Variants in WDR70 observed in about 807,000 individuals in gnomAD.
WDR70 encodes WD repeat domain 70.
WDR70 carries 53 observed loss-of-function variants against 88.6 expected under a neutral mutation model. That is an observed-to-expected ratio of 0.60 (90% confidence interval 0.48 to 0.75). WDR70 has a LOEUF of 0.75. Among genes scored for constraint, WDR70 ranks in the 30% least tolerant of loss-of-function variants. The pLI is 0.00. For missense variants in WDR70, 610 were observed against 823.2 expected (o/e 0.74, Z 3.17); for synonymous variants, 280 against 270.0 (o/e 1.04, Z -0.36).
Position 37,443,307 on chromosome 5 carries a change from G to A in WDR70, c.621G>A (p.Lys207=). The change falls in exon 7 of 18, where the codon AAG becomes AAA. Residue 207 remains lysine, a synonymous_variant. Coordinates refer to ENST00000265107, the MANE Select transcript of WDR70 (RefSeq NM_018034.4). ...CAGGAGGATATGACTATGATGTTAA[G>A]TTTTGGGATTTTGCTGGAATGGATG... ...LVTGGYDYDV[K]FWDFAGMDAS... The A allele has an allele frequency of 1.2e-6, 2 of 1,613,930 alleles. No individual in the cohort carries two copies. The highest frequency in any genetic ancestry group is 2.2e-5 in the East Asian group (1 of 44,880).
intron 7 of WDR70, 91 bp downstream of exon 7, chr5:37,443,463 T>C: frequency 1.1e-5 from 15 of 1,424,328 alleles, no homozygotes; most frequent in Non-Finnish European, 1.5e-5. Flanking sequence ...CCATCTACAA[T>C]GATTTGTATC....
intron 17 of WDR70, among the ~76,000 whole-genome samples, chr5:37,732,516 C>G (rs1275993801): frequency 6.6e-6 from 1 of 152,038 alleles, no homozygotes; most frequent in South Asian, 2.1e-4. Flanking sequence ...TGCAAAACTT[C>G]AAGAAATTTT....
At chr5:37,562,985 G>C (rs1279675329) in intron 9 of WDR70, among the ~76,000 whole-genome samples, 1 of 144,846 alleles carries the variant, frequency 6.9e-6, no homozygotes, top group South Asian at 2.3e-4. Context: ...ACGGGGTGGT[G>C]GCCGGGCAGA....
At chr5:37,628,988 T>C (rs1403217869) in intron 10 of WDR70, among the ~76,000 whole-genome samples, 1 of 152,188 alleles carries the variant, frequency 6.6e-6, no homozygotes, top group East Asian at 1.9e-4. Flanking sequence ...AGTTTTTGCT[T>C]CTCTATTGGG....
Position 37,566,908 on chromosome 5 carries a change from A to G in WDR70, c.918-38156A>G, listed in dbSNP as rs559216801. Among the ~76,000 whole-genome samples the G allele has an allele frequency of 1.8e-4, 27 of 152,284 alleles. No individual in the cohort carries two copies. The South Asian group carries it at 5.6e-3, about 32-fold the overall frequency. On this transcript the variant is annotated intron_variant, in intron 9 of 17. Coordinates refer to ENST00000265107, the MANE Select transcript of WDR70 (RefSeq NM_018034.4). ...AGAGGAGAACTGTCAGAATCATCCT[A>G]AGAGTGTTATTAGATTTCTGGGAGA...
rs140037422 is a variant in WDR70 at position 37,526,738 on chromosome 5, C to T, written c.917+10148C>T. ...TGATTGTGTATTTAGAAAACCCCAT[C>T]GTCTCAGCCCCAAATCTCCTTAAGC... On this transcript the variant is annotated intron_variant, in intron 9 of 17. Transcript: ENST00000265107. 7.8e-3 allele frequency among the ~76,000 whole-genome samples: 1,188 copies of T among 152,240 alleles called. 8 individuals carry two copies. The highest frequency in any genetic ancestry group is 0.017 in the Middle Eastern group (5 of 294).
intron 5 of WDR70, among the ~76,000 whole-genome samples, chr5:37,418,485 A>T (rs1419562459): frequency 1.3e-5 from 2 of 151,948 alleles, no homozygotes; most frequent in Admixed American, 1.3e-4. Flanking sequence ...ACGCCTGGCT[A>T]ATTTTTTCTA....
intron 9 of WDR70, among the ~76,000 whole-genome samples, chr5:37,526,177 C>CA (rs1741264364): frequency 1.3e-5 from 2 of 151,934 alleles, no homozygotes; most frequent in Admixed American, 1.3e-4. Flanking sequence ...AGAGACACAA[C>CA]AAAAAAAGAG....
Position 37,565,349 on chromosome 5 carries a change from A to G in WDR70, c.918-39715A>G, listed in dbSNP as rs573736124. Among the ~76,000 whole-genome samples the G allele has an allele frequency of 2.0e-5, 3 of 152,286 alleles. No homozygotes were observed. The South Asian group carries it at 6.2e-4, about 32-fold the overall frequency. ...TTACAAAGCATTTGACAATCTTGAC[A>G]AACTCCTTTTAAGGTCTTTTAAAAA... On this transcript the variant is annotated intron_variant, in intron 9 of 17. Transcript: ENST00000265107.
intron 5 of WDR70, among the ~76,000 whole-genome samples, chr5:37,417,992 T>C (rs1749815191): frequency 6.6e-6 from 1 of 152,178 alleles, no homozygotes; most frequent in African/African-American, 2.4e-5. Flanking sequence ...AGTTCTCCAC[T>C]CCACCCAAAG....
intron 10 of WDR70, among the ~76,000 whole-genome samples, chr5:37,662,414 C>G (rs1745726760): frequency 6.6e-6 from 1 of 152,026 alleles, no homozygotes; most frequent in South Asian, 2.1e-4. Context: ...TGTTCATCCC[C>G]AAAACACATT....
chr5:37,390,022 T>G (rs1748761941), intron 3 of WDR70, among the ~76,000 whole-genome samples: 1 of 152,118 alleles, frequency 6.6e-6, no homozygotes, highest in Non-Finnish European at 1.5e-5. Context: ...GCTGCTCAAC[T>G]TGGATTGTAT....
intron 10 of WDR70, among the ~76,000 whole-genome samples, chr5:37,632,275 T>A (rs1744839201): frequency 6.6e-6 from 1 of 152,218 alleles, no homozygotes; most frequent in African/African-American, 2.4e-5. Context: ...TACTTGATAA[T>A]AAATGACTTA....
At chr5:37,726,174 T>C (rs1374286473) in intron 16 of WDR70, among the ~76,000 whole-genome samples, 1 of 152,210 alleles carries the variant, frequency 6.6e-6, no homozygotes, top group East Asian at 1.9e-4. Flanking sequence ...CTAAGTGCCA[T>C]AATAGTTACT....
chr5:37,505,929 A>G, intron 8 of WDR70: 1 of 1,431,630 alleles, frequency 7.0e-7, no homozygotes, highest in Non-Finnish European at 9.8e-7. Flanking sequence ...CACACCTTTC[A>G]GATTAGCACC....
intron 6 of WDR70, among the ~76,000 whole-genome samples, chr5:37,439,195 G>A (rs1750576278): frequency 6.6e-6 from 1 of 152,078 alleles, no homozygotes; most frequent in Non-Finnish European, 1.5e-5. Flanking sequence ...TGGGATTACA[G>A]GTGTGAGCCA....
rs183695960 is a variant in WDR70 at position 37,484,542 on chromosome 5, G to T, written c.840+4555G>T. On this transcript the variant is annotated intron_variant, in intron 8 of 17. Coordinates refer to ENST00000265107, the MANE Select transcript of WDR70 (RefSeq NM_018034.4). Reference sequence around the variant, plus strand: ...TTCGGCTTGGCATCAGAGGGAGACCGTGGAAAGAGAGGGAGAGGGAGACCG... The same window carrying T: ...TTCGGCTTGGCATCAGAGGGAGACCTTGGAAAGAGAGGGAGAGGGAGACCG... Among the ~76,000 whole-genome samples the T allele has an allele frequency of 2.9e-3, 438 of 152,262 alleles. 2 individuals are homozygous for T. The highest frequency in any genetic ancestry group is 4.9e-3 in the Admixed American group (75 of 15,302).
intron 9 of WDR70, among the ~76,000 whole-genome samples, chr5:37,557,956 T>TACTCTTTTGAA (rs1561900797): frequency 6.9e-6 from 1 of 145,028 alleles, no homozygotes; most frequent in Non-Finnish European, 1.6e-5. Flanking sequence ...TTCAAAAGAG[T>TACTCTTTTGAA]ATTATGTATA....
At chr5:37,673,745 T>C (rs1255447987) in intron 10 of WDR70, among the ~76,000 whole-genome samples, 1 of 152,006 alleles carries the variant, frequency 6.6e-6, no homozygotes, top group Non-Finnish European at 1.5e-5. Context: ...CATTAGCTAT[T>C]CTTCCCGATT....
Sources: allele counts gnomAD v4.1 joint callset (sites outside exome capture counted in the v4.1 genomes callset), GRCh38; gene constraint gnomAD v4.1.1; transcripts MANE v1.5; gene names NCBI Gene and HGNC (gene_info 2026-07-23, HGNC 2026-07-21).